The following MTSS2 variants were observed in gnomAD, a reference collection of about 807,000 sequenced individuals.
The protein encoded by MTSS2 is MTSS I-BAR domain containing 2.
A neutral mutation model predicts 67.1 loss-of-function variants in MTSS2; 27 were observed. The ratio of observed to expected loss-of-function variants is 0.40; its 90% confidence interval spans 0.30 to 0.55. The LOEUF is 0.55. Ranked by LOEUF, MTSS2 falls within the 20% of genes least tolerant of loss-of-function variation. The pLI is 0.43. For synonymous variants in MTSS2, 624 were observed against 468.6 expected (o/e 1.33, Z -4.28); for missense variants, 1,171 against 1,067.8 (o/e 1.10, Z -1.35).
Position 70,665,019 on chromosome 16 carries a change from C to T in MTSS2, c.1206G>A (p.Leu402=), listed in dbSNP as rs1433429448. The T allele has an allele frequency of 1.9e-6, 3 of 1,596,168 alleles. No homozygotes were observed. The highest frequency in any genetic ancestry group is 1.1e-5 in the South Asian group (1 of 89,940). Residue 402 remains leucine (L), a synonymous_variant, in exon 13 of 15, where the codon CTG becomes CTA. Coordinates refer to ENST00000338779, the MANE Select transcript of MTSS2 (RefSeq NM_138383.3). The part of the protein sequence containing the change: ...LQRRKDRVEL[L]RDTEPGPASG... The stretch of plus-strand genomic sequence containing the variant: ...TGGCAGGGCCTGGCTCTGTGTCTCG[C>T]AGGAGCTCCACTCGGTCCTTCCTCC...
rs2052477131 is a variant in MTSS2 at position 70,661,677 on chromosome 16, A to G, written c.*2000T>C. ...TCAGGGATGGACAAGGGGATGGAGT[A>G]GAGTATGTACAGCCCCCGGGGCTCA... On this transcript the variant is annotated 3_prime_UTR_variant, in exon 15 of 15. Coordinates refer to ENST00000338779, the MANE Select transcript of MTSS2 (RefSeq NM_138383.3). 1 of 323,548 alleles carries G rather than the reference A, an allele frequency of 3.1e-6. No homozygotes were observed. The highest frequency in any genetic ancestry group is 6.0e-6 in the Non-Finnish European group (1 of 167,174). 20.0% of individuals were successfully genotyped at this position (323,548 alleles called of 1,614,324 possible). A position where few individuals can be genotyped will look rare whatever the true frequency, so the allele number is the denominator to read the frequency against.
At chr16:70,666,459 C>A (rs1377336232) in intron 11 of MTSS2, among the ~76,000 whole-genome samples, 1 of 152,158 alleles carries the variant, frequency 6.6e-6, no homozygotes, top group Non-Finnish European at 1.5e-5. Context: ...GCATGTGTGA[C>A]CGGCAGGGTT....
At chr16:70,665,595 G>A (rs2052684526) in intron 11 of MTSS2, 55 bp from the exon 12 acceptor site, 7 of 1,456,102 alleles carry the variant, frequency 4.8e-6, no homozygotes, top group Admixed American at 4.1e-5. Flanking sequence ...CAGGCAGCAA[G>A]GAGGAGAGGA....
In MTSS2 at chr16:70,678,361, T is replaced by C. The variant is rs1415561384; in HGVS notation, c.515A>G (p.Asn172Ser). The C allele has an allele frequency of 1.2e-6, 2 of 1,612,872 alleles. No homozygotes were observed. The highest frequency in any genetic ancestry group is 2.7e-5 in the African/African-American group (2 of 74,952). Residue 172 changes from asparagine to serine, a missense_variant, in exon 8 of 15, where the codon AAC becomes AGC. Physicochemically the swap from Asn to Ser is conservative, Grantham distance 46. Around this residue, in one of 2 missense-constraint regions of MTSS2, gnomAD observed 247 missense variants for 311.8 expected, o/e 0.79. Transcript: ENST00000338779. ...CTCCTCCAGCAGCAGGTACATGTCG[T>C]TGACGTCCTGCAGGGCACTGTCCAG... ...PQLDSALQDV[N>S]DMYLLLEETE... is the part of the protein sequence containing the mutation.
In MTSS2 at chr16:70,678,375, G is replaced by T; in HGVS notation, c.501C>A (p.Ala167=). 6.2e-7 allele frequency: 1 copy of T among 1,612,850 alleles called. No individual in the cohort carries two copies. Among genetic ancestry groups the T allele is most frequent in the Non-Finnish European group, 8.5e-7 (1 of 1,179,912 alleles). ...KGDLQPQLDS[A]LQDVNDMYLL... ...GGTACATGTCGTTGACGTCCTGCAG[G>T]GCACTGTCCAGCTGGGGCTGCAGGT... is the stretch of plus-strand genomic sequence containing the variant. Residue 167 remains alanine (A), a synonymous_variant, in exon 8 of 15, where the codon GCC becomes GCA. Coordinates refer to ENST00000338779, the MANE Select transcript of MTSS2 (RefSeq NM_138383.3).
rs748824524 is a variant in MTSS2 at position 70,664,629 on chromosome 16, G to C, written c.1440C>G (p.Pro480=). 1 of 1,613,234 alleles carries C rather than the reference G, an allele frequency of 6.2e-7. No homozygotes were observed. The highest frequency in any genetic ancestry group is 2.2e-5 in the East Asian group (1 of 44,874). ...AGGGGATGGTGTCCTCAGAGCAGGA[G>C]GGCGTGGTGGTCTGCGTGCTGTAGC... is the stretch of plus-strand genomic sequence containing the variant. ...SSGYSTQTTT[P]SCSEDTIPSQ... Residue 480 remains proline, a synonymous_variant, in exon 14 of 15, where the codon CCC becomes CCG. Coordinates refer to ENST00000338779, the MANE Select transcript of MTSS2 (RefSeq NM_138383.3).
Position 70,674,545 on chromosome 16 carries a change from A to C in MTSS2, c.831-17T>G. ...CTGGGGGCACTAGGGGAGTGAAGGAAGAGGGCACAGCAGCCAGACAGGGAG... is the reference window on the plus strand; with the variant it reads ...CTGGGGGCACTAGGGGAGTGAAGGACGAGGGCACAGCAGCCAGACAGGGAG... On this transcript the variant is annotated splice_polypyrimidine_tract_variant and intron_variant, in intron 10 of 14. Coordinates refer to ENST00000338779, the MANE Select transcript of MTSS2 (RefSeq NM_138383.3). 2 of 1,608,420 alleles carry C rather than the reference A, an allele frequency of 1.2e-6. No individual in the cohort carries two copies. Among genetic ancestry groups the C allele is most frequent in the Non-Finnish European group, 1.7e-6 (2 of 1,177,748 alleles).
chr16:70,678,502 G>C, intron 7 of MTSS2, 93 bp from the exon 8 acceptor site: 1 of 1,448,342 alleles, frequency 6.9e-7, no homozygotes, highest in Non-Finnish European at 9.2e-7. Flanking sequence ...GGCATCTCTC[G>C]GCCGTTGGGC....
At chr16:70,665,731 A>G (rs926694541) in intron 11 of MTSS2, 191 bp from the exon 12 acceptor site, 3 of 528,190 alleles carry the variant, frequency 5.7e-6, no homozygotes, top group Admixed American at 7.1e-5. Flanking sequence ...ACAGCAGCCC[A>G]GAGTGCACAC....
chr16:70,668,813 C>T (rs575497469), intron 11 of MTSS2, among the ~76,000 whole-genome samples: 7 of 152,296 alleles, frequency 4.6e-5, no homozygotes, highest in Admixed American at 2.6e-4. Flanking sequence ...CACCAGACAC[C>T]GAATCTGCTG....
chr16:70,664,898 A>AGGGG, intron 13 of MTSS2, 22 bp downstream of exon 13: 1 of 1,529,434 alleles, frequency 6.5e-7, no homozygotes, highest in Non-Finnish European at 8.8e-7. Context: ...CTGGGCGTGA[A>AGGGG]GGGGGGCCCT....
rs552088121 is a variant in MTSS2, at chr16:70,679,636, G to T, written c.451C>A (p.Arg151Ser). 2.5e-6 allele frequency: 4 copies of T among 1,604,196 alleles called. No homozygotes were observed. The highest frequency in any genetic ancestry group is 2.2e-5 in the East Asian group (1 of 44,634). ...SDTLKLQKKA[R>S]KELLGKGDLQ... ...GGGCCGCGCCAGGCACTACCTTTGC[G>T]CGCCTTCTTCTGCAGCTTCAGCGTG... The change falls in exon 6 of 15, where the codon CGC (arginine) becomes AGC (serine). Residue 151 changes from arginine to serine, a missense_variant. Physicochemically the swap from Arg to Ser is moderately radical, Grantham distance 110. Transcript: ENST00000338779.
At chr16:70,668,343 G>C (rs545826679) in intron 11 of MTSS2, among the ~76,000 whole-genome samples, 2 of 151,872 alleles carry the variant, frequency 1.3e-5, no homozygotes, top group South Asian at 2.1e-4. Context: ...TGGGGACAGA[G>C]GTTGCAGTGA....
intron 10 of MTSS2, 57 bp from the exon 11 acceptor site, chr16:70,674,585 G>A: frequency 5.4e-6 from 8 of 1,493,032 alleles, no homozygotes; most frequent in Non-Finnish European, 7.3e-6. Flanking sequence ...AGGGGTGTGT[G>A]TTTGGGGGAG....
In MTSS2 at chr16:70,674,489, G is replaced by A. The variant is rs200193469; in HGVS notation, c.870C>T (p.Ala290=). 2.5e-5 allele frequency: 40 copies of A among 1,613,898 alleles called. 1 individual carries two copies. In the Admixed American group the frequency reaches 2.8e-4, roughly 11 times the overall value. Residue 290 remains alanine (A), a synonymous_variant, in exon 11 of 15, where the codon GCC becomes GCT. Transcript: ENST00000338779. ...ATGTTTGGGCACCCCCAGGCCATGGGGCTCCGCCACCCTTGGCACTGCTAC... is the reference window on the plus strand; with the variant it reads ...ATGTTTGGGCACCCCCAGGCCATGGAGCTCCGCCACCCTTGGCACTGCTAC... The part of the protein sequence containing the change: ...SSSSSAKGGG[A]PWPGGAQTYS...
rs762334830 is a variant in MTSS2, at chr16:70,674,544, A to G, written c.831-16T>C. ...GCTGGGGGCACTAGGGGAGTGAAGGAAGAGGGCACAGCAGCCAGACAGGGA... is the reference window on the plus strand; with the variant it reads ...GCTGGGGGCACTAGGGGAGTGAAGGGAGAGGGCACAGCAGCCAGACAGGGA... On this transcript the variant is annotated splice_polypyrimidine_tract_variant and intron_variant, in intron 10 of 14. Coordinates refer to ENST00000338779, the MANE Select transcript of MTSS2 (RefSeq NM_138383.3). 1 of 1,608,660 alleles carries G rather than the reference A, an allele frequency of 6.2e-7. No individual in the cohort carries two copies. The highest frequency in any genetic ancestry group is 8.5e-7 in the Non-Finnish European group (1 of 1,177,910).
chr16:70,673,760 GAGA>G (rs1383794394), intron 11 of MTSS2, among the ~76,000 whole-genome samples: 2 of 152,240 alleles, frequency 1.3e-5, no homozygotes, highest in East Asian at 3.9e-4. Flanking sequence ...TTGTAAGTTT[GAGA>G]AGGAGTGGGT....
At chr16:70,681,445 G>A (rs1284860577) in intron 1 of MTSS2, among the ~76,000 whole-genome samples, 1 of 152,246 alleles carries the variant, frequency 6.6e-6, no homozygotes, top group Non-Finnish European at 1.5e-5. Context: ...GCACTGACCT[G>A]CCCACCAGGG....
intron 3 of MTSS2, among the ~76,000 whole-genome samples, chr16:70,680,449 C>G (rs188972342): frequency 5.7e-4 from 83 of 146,676 alleles, no homozygotes; most frequent in African/African-American, 1.8e-3. Flanking sequence ...CGGCGCCAAG[C>G]CCAACGGCGC....
Sources: allele counts gnomAD v4.1 joint callset (sites outside exome capture counted in the v4.1 genomes callset), GRCh38; gene constraint gnomAD v4.1.1; regional missense constraint gnomAD v4.1.1; transcripts MANE v1.5; gene names NCBI Gene and HGNC (gene_info 2026-07-23, HGNC 2026-07-21).